The following ZFP28 variants were observed in gnomAD, a reference collection of about 807,000 sequenced individuals.
The protein encoded by ZFP28 is ZFP28 zinc finger protein.
ZFP28 carries 31 observed loss-of-function variants against 39.5 expected under a neutral mutation model. The observed-to-expected ratio is 0.79, with a 90% CI of 0.59 to 1.06. The LOEUF (loss-of-function observed/expected upper bound fraction) is 1.06, where lower values mean the gene tolerates loss of function less well. ZFP28 is among the 50% of genes least tolerant of loss of function. The pLI, the probability that ZFP28 is intolerant of heterozygous loss-of-function variation, is 0.00. For missense variants in ZFP28, 925 were observed against 1,048.4 expected (o/e 0.88, Z 1.63); for synonymous variants, 400 against 378.6 (o/e 1.06, Z -0.66).
rs1258946150 is a variant in ZFP28, at chr19:56,547,837, C to G, written c.458C>G (p.Ser153Cys). Residue 153 changes from serine (S) to cysteine (C), a missense_variant, in exon 4 of 8, where the codon TCC becomes TGC. Transcript: ENST00000301318. This position sits in a 1 kb window ranked among gnomAD's most constrained non-coding sequence, Gnocchi z 4.6. ...GLCVSKPDVI[S>C]SLEQGKEPWT... ...TGTGTTTCTAAGCCCGATGTGATCT[C>G]CTCGTTGGAACAAGGAAAAGAGCCT... The G allele has an allele frequency of 1.2e-6, 2 of 1,614,074 alleles. No individual in the cohort carries two copies. The highest frequency in any genetic ancestry group is 1.7e-6 in the Non-Finnish European group (2 of 1,180,016).
At chr19:56,551,635 C>T (rs1440812533) in intron 7 of ZFP28, 1 of 985,110 alleles carries the variant, frequency 1.0e-6, no homozygotes. Context: ...TGACTAGCAA[C>T]AATTAGATGT....
Position 56,550,166 on chromosome 19 carries a change from G to T in ZFP28, c.787G>T (p.Asp263Tyr). Residue 263 changes from aspartate (D) to tyrosine (Y), a missense_variant, in exon 6 of 8, where the codon GAC becomes TAC. Coordinates refer to ENST00000301318, the MANE Select transcript of ZFP28 (RefSeq NM_020828.2). ...CKNGIWENNS[D>Y]LGSAGHCVAK... ...GAATGGGATATGGGAGAACAACAGT[G>T]ACCTGGGATCAGCAGGTAAGGATGT... is the stretch of plus-strand genomic sequence containing the variant. 6.2e-7 allele frequency: 1 copy of T among 1,611,336 alleles called. No homozygotes were observed. The highest frequency in any genetic ancestry group is 1.1e-5 in the South Asian group (1 of 90,056).
At chr19:56,550,397 A>G (rs2044288134) in intron 6 of ZFP28, 113 bp from the exon 7 acceptor site, 2 of 990,030 alleles carry the variant, frequency 2.0e-6, no homozygotes, top group African/African-American at 1.6e-5. Context: ...GATCCTACTC[A>G]CCTGTTTTTC....
upstream of ZFP28, among the ~76,000 whole-genome samples, chr19:56,538,739 G>A (rs1277839752): frequency 4.1e-5 from 6 of 148,006 alleles, no homozygotes; most frequent in Non-Finnish European, 9.0e-5. Context: ...CGCACTGGAA[G>A]TGGGAAGCGC....
chr19:56,555,155 T>C lies in ZFP28; in HGVS notation c.2370T>C (p.Cys790=), dbSNP rs760796497. The C allele has an allele frequency of 3.0e-5, 49 of 1,614,064 alleles. No homozygotes were observed. The highest frequency in any genetic ancestry group is 4.0e-5 in the Non-Finnish European group (47 of 1,180,032). Residue 790 remains cysteine (C), a synonymous_variant, in exon 8 of 8, where the codon TGT becomes TGC. Transcript: ENST00000301318. ...AGAAACCATATGAATGTAAGGAATG[T>C]AGGAAAACCTTCATCCAAATTGGAC... ...SGKKPYECKE[C]RKTFIQIGHL... is the part of the protein sequence containing the mutation.
At chr19:56,543,511 TCTC>T (rs2044214222) in intron 2 of ZFP28, among the ~76,000 whole-genome samples, 1 of 151,964 alleles carries the variant, frequency 6.6e-6, no homozygotes, top group African/African-American at 2.4e-5. Flanking sequence ...CTCAAGGAAT[TCTC>T]CTGCCTCAGC....
At position 56,556,065 on chromosome 19, in the gene ZFP28, T is replaced by G. The variant is rs1035398644; in HGVS notation, c.*673T>G. On this transcript the variant is annotated 3_prime_UTR_variant, in exon 8 of 8. Coordinates refer to ENST00000301318, the MANE Select transcript of ZFP28 (RefSeq NM_020828.2). ...TATAAGTGAACCGTATTAAAACTTT[T>G]AAGGAACCATTCATTGTGAGGTAAA... 9 of 152,254 alleles carry G rather than the reference T, an allele frequency of 5.9e-5. No homozygotes were observed. The highest frequency in any genetic ancestry group is 2.2e-4 in the African/African-American group (9 of 41,466). 9.4% of individuals were successfully genotyped at this position (152,254 alleles called of 1,614,324 possible).
Position 56,556,665 on chromosome 19 carries a change from G to A in ZFP28, c.*1273G>A, listed in dbSNP as rs935124842. On this transcript the variant is annotated 3_prime_UTR_variant, in exon 8 of 8. Coordinates refer to ENST00000301318, the MANE Select transcript of ZFP28 (RefSeq NM_020828.2). ...AATGTATAAAAGATTTTAATTTTATGAGGGCAATACAACTGTCACATCAGA... is the reference window on the plus strand; with the variant it reads ...AATGTATAAAAGATTTTAATTTTATAAGGGCAATACAACTGTCACATCAGA... 1.3e-5 allele frequency: 2 copies of A among 152,064 alleles called. No individual in the cohort carries two copies. Among genetic ancestry groups the A allele is most frequent in the African/African-American group, 4.8e-5 (2 of 41,408 alleles). 9.4% of individuals were successfully genotyped at this position (152,064 alleles called of 1,614,324 possible).
intron 2 of ZFP28, among the ~76,000 whole-genome samples, chr19:56,541,668 G>T (rs1005533885): frequency 2.0e-5 from 3 of 151,942 alleles, no homozygotes; most frequent in African/African-American, 7.3e-5. Context: ...TGCTCACCCT[G>T]TCTAGAATTT....
chr19:56,539,931 C>A (rs1210330412), intron 2 of ZFP28, among the ~76,000 whole-genome samples: 2 of 152,188 alleles, frequency 1.3e-5, no homozygotes, highest in Non-Finnish European at 2.9e-5. Flanking sequence ...AGCCTTCATT[C>A]TTGATTGATG....
At chr19:56,548,930 A>G in intron 4 of ZFP28, 28 bp from the exon 5 acceptor site, 1 of 1,587,622 alleles carries the variant, frequency 6.3e-7, no homozygotes, top group Non-Finnish European at 8.5e-7. Flanking sequence ...ATGATAAAAG[A>G]TAAATTTACC....
intron 2 of ZFP28, chr19:56,544,635 C>T (rs1290469812): frequency 1.3e-5 from 2 of 152,284 alleles, no homozygotes; most frequent in South Asian, 4.1e-4. Context: ...GTCTGTGATC[C>T]TGGGCACATT....
At chr19:56,550,960 T>C in intron 7 of ZFP28, 1 of 1,377,794 alleles carries the variant, frequency 7.3e-7, no homozygotes, top group Middle Eastern at 2.7e-4. Flanking sequence ...CATCCATTCC[T>C]GTGAGAACCA....
chr19:56,539,736 C>G lies in ZFP28; in HGVS notation c.300+20C>G. 1 of 1,606,142 alleles carries G rather than the reference C, an allele frequency of 6.2e-7. No homozygotes were observed. Among genetic ancestry groups the G allele is most frequent in the Non-Finnish European group, 8.5e-7 (1 of 1,173,048 alleles). ...TCCCAGGTGAGTTGGCATTTCATCT[C>G]TTGTCTCTGAAATGCAGTCTTGCTT... On this transcript the variant is annotated intron_variant, in intron 2 of 7. Coordinates refer to ENST00000301318, the MANE Select transcript of ZFP28 (RefSeq NM_020828.2).
rs893876123 is a variant in ZFP28 at position 56,554,000 on chromosome 19, A to G, written c.1215A>G (p.Ser405=). The stretch of plus-strand genomic sequence containing the variant: ...CAATTAAAAATTTTCAAAAAAGTTC[A>G]GTGGTAATAAAACAAACAGGCATCT... ...RDSIKNFQKS[S]VVIKQTGIYA... The change falls in exon 8 of 8, where the codon TCA becomes TCG. Residue 405 remains serine (S), a synonymous_variant. Transcript: ENST00000301318. 3.1e-6 allele frequency: 5 copies of G among 1,611,486 alleles called. No homozygotes were observed. In the Admixed American group the frequency reaches 6.7e-5, roughly 22 times the overall value.
chr19:56,540,396 A>G (rs2044185712), intron 2 of ZFP28, among the ~76,000 whole-genome samples: 2 of 152,240 alleles, frequency 1.3e-5, no homozygotes, highest in Admixed American at 6.5e-5. Flanking sequence ...GCCAGTAAAT[A>G]GTTGTGTTTG....
intron 4 of ZFP28, 149 bp from the exon 5 acceptor site, chr19:56,548,809 C>T (rs2044266327): frequency 1.1e-6 from 1 of 891,090 alleles, no homozygotes; most frequent in Admixed American, 3.1e-5. Flanking sequence ...TATAAGAAAG[C>T]TTTCAAAATG....
chr19:56,549,633 C>T (rs952500174), intron 5 of ZFP28, among the ~76,000 whole-genome samples: 75 of 151,760 alleles, frequency 4.9e-4, no homozygotes, highest in African/African-American at 1.4e-3. Context: ...GCCGAGATCG[C>T]GCCACTGCAC....
intron 7 of ZFP28, 148 bp downstream of exon 7, chr19:56,550,753 A>G: frequency 1.3e-5 from 20 of 1,541,186 alleles, no homozygotes; most frequent in Non-Finnish European, 1.7e-5. Context: ...GGGAGTTCCA[A>G]ATAATTCTTT....
Sources: gnomAD v4.1 joint callset for allele counts (sites outside exome capture counted in the v4.1 genomes callset) on GRCh38, gnomAD v4.1.1 for gene constraint, Gnocchi (gnomAD v3.1) non-coding constraint, MANE v1.5 for transcripts, NCBI Gene and HGNC (gene_info 2026-07-23, HGNC 2026-07-21) for gene names.